Variants in THSD7B observed in about 807,000 individuals in gnomAD.
The protein encoded by THSD7B is thrombospondin type-1 domain-containing protein 7B.
Under a neutral mutation model 213.6 loss-of-function variants are expected in THSD7B, and 138 were observed. The observed-to-expected ratio is 0.65, with a 90% CI of 0.56 to 0.74. THSD7B has a LOEUF of 0.74. Ranked by LOEUF, THSD7B falls within the 30% of genes least tolerant of loss-of-function variation. The pLI is 0.00. For missense variants in THSD7B, 1,931 were observed against 1,991.5 expected (o/e 0.97, Z 0.58); for synonymous variants, 742 against 687.0 (o/e 1.08, Z -1.25).
chr2:137,223,566 T>G (rs542670679), intron 7 of THSD7B, among the ~76,000 whole-genome samples: 1 of 152,198 alleles, frequency 6.6e-6, no homozygotes, highest in African/African-American at 2.4e-5. Flanking sequence ...GAAAGGCTTA[T>G]CAACAAGTTG....
chr2:137,614,468 A>G (rs1682346060), intron 17 of THSD7B, among the ~76,000 whole-genome samples: 1 of 152,144 alleles, frequency 6.6e-6, no homozygotes, highest in South Asian at 2.1e-4. Flanking sequence ...ACATTAATTG[A>G]TTACTTTATA....
Position 137,580,386 on chromosome 2 carries a change from G to A in THSD7B, c.3423+7830G>A, listed in dbSNP as rs1681549246. ...AAATGGGTGTTATATTGGTATTACA[G>A]GAATATCTTGCATCCAACTGTTTTC... On this transcript the variant is annotated intron_variant, in intron 17 of 27. Transcript: ENST00000409968. 3.9e-5 allele frequency among the ~76,000 whole-genome samples: 6 copies of A among 152,090 alleles called. No homozygotes were observed. The South Asian group carries it at 1.0e-3, about 26-fold the overall frequency.
intron 12 of THSD7B, among the ~76,000 whole-genome samples, chr2:137,355,868 G>A (rs932895944): frequency 1.1e-4 from 16 of 152,130 alleles, no homozygotes; most frequent in Admixed American, 4.6e-4. Context: ...CATAGTGAGC[G>A]CTCTGTAAAG....
intron 17 of THSD7B, among the ~76,000 whole-genome samples, chr2:137,575,852 G>A (rs1681450381): frequency 6.6e-6 from 1 of 151,848 alleles, no homozygotes; most frequent in Admixed American, 6.6e-5. Context: ...AAAAGTATGT[G>A]TGTGTATACA....
intron 6 of THSD7B, among the ~76,000 whole-genome samples, chr2:137,165,139 T>C (rs1313302143): frequency 1.3e-5 from 2 of 152,094 alleles, no homozygotes; most frequent in African/African-American, 4.8e-5. Flanking sequence ...TTTAGGGACA[T>C]GTTGAGATTG....
chr2:136,894,361 T>A (rs1683914630), intron 2 of THSD7B, among the ~76,000 whole-genome samples: 1 of 152,192 alleles, frequency 6.6e-6, no homozygotes, highest in South Asian at 2.1e-4. Flanking sequence ...ATAAAGGAGC[T>A]GACACTACAT....
At chr2:137,119,520 G>C (rs1047133567) in intron 5 of THSD7B, among the ~76,000 whole-genome samples, 2 of 152,146 alleles carry the variant, frequency 1.3e-5, no homozygotes, top group African/African-American at 2.4e-5. Flanking sequence ...CCATAAGCAT[G>C]TTCTAAGGTG....
intron 12 of THSD7B, among the ~76,000 whole-genome samples, chr2:137,381,322 A>G (rs1685771437): frequency 6.6e-6 from 1 of 152,320 alleles, no homozygotes. Flanking sequence ...GCAGAGTTGG[A>G]TGGGCATTTT....
At chr2:137,670,634 A>C (rs1222729176) in intron 27 of THSD7B, among the ~76,000 whole-genome samples, 2 of 152,154 alleles carry the variant, frequency 1.3e-5, no homozygotes, top group Non-Finnish European at 2.9e-5. Flanking sequence ...TAAAATGCTC[A>C]TCTTCGGCCA....
At chr2:136,921,415 C>T (rs1284760793) in intron 2 of THSD7B, among the ~76,000 whole-genome samples, 1 of 151,908 alleles carries the variant, frequency 6.6e-6, no homozygotes, top group African/African-American at 2.4e-5. Context: ...AGACACACAC[C>T]ATTGCAACCC....
At position 137,094,937 on chromosome 2, in the gene THSD7B, A is replaced by G. The variant is rs1243605156; in HGVS notation, c.1015A>G (p.Thr339Ala). Residue 339 changes from threonine to alanine, a missense_variant, in exon 4 of 28, where the codon ACC becomes GCC. Thr to Ala is a moderately conservative substitution (Grantham distance 58). Coordinates refer to ENST00000409968, the MANE Select transcript of THSD7B (RefSeq NM_001316349.2). ...CTGCATCATGCCCAAAGACTGTGAA[A>G]CCTCCCAGTGGTCCTCCTGGAGCCC... ...QSCIMPKDCE[T>A]SQWSSWSPCS... The G allele has an allele frequency of 1.2e-6, 2 of 1,612,668 alleles. No individual in the cohort carries two copies. Among genetic ancestry groups the G allele is most frequent in the African/African-American group, 1.3e-5 (1 of 74,476 alleles).
At chr2:136,892,617 C>T (rs906697396) in intron 2 of THSD7B, among the ~76,000 whole-genome samples, 10 of 151,610 alleles carry the variant, frequency 6.6e-5, no homozygotes, top group Admixed American at 2.0e-4. Flanking sequence ...TTGCCTTCCA[C>T]GTTGTCTACT....
At position 137,166,820 on chromosome 2, in the gene THSD7B, T is replaced by A. The variant is rs1015090000; in HGVS notation, c.1526-3921T>A. Among the ~76,000 whole-genome samples, 6 of 152,188 alleles carry A rather than the reference T, an allele frequency of 3.9e-5. No individual in the cohort carries two copies. The East Asian group carries it at 1.2e-3, about 29-fold the overall frequency. On this transcript the variant is annotated intron_variant, in intron 6 of 27. Transcript: ENST00000409968. ...ATTTTGCTTTCTCATAGATAGGAAA[T>A]GCTAAGAGATAGTTGTTTCTTTTTT...
chr2:136,954,090 C>A (rs1249124731), intron 2 of THSD7B, among the ~76,000 whole-genome samples: 1 of 152,162 alleles, frequency 6.6e-6, no homozygotes, highest in African/African-American at 2.4e-5. Context: ...AGAACATGGG[C>A]AGGATCCCTG....
chr2:137,144,685 T>A (rs1358395042), intron 5 of THSD7B, among the ~76,000 whole-genome samples: 2 of 151,986 alleles, frequency 1.3e-5, no homozygotes, highest in African/African-American at 4.8e-5. Flanking sequence ...AAATAGATGA[T>A]CTAGACCTAA....
chr2:137,548,867 A>G (rs1435413204), intron 15 of THSD7B, among the ~76,000 whole-genome samples: 1 of 152,144 alleles, frequency 6.6e-6, no homozygotes, highest in African/African-American at 2.4e-5. Flanking sequence ...TTATACAAAC[A>G]CATCTTTATA....
At chr2:137,466,486 T>G (rs1044827727) in intron 15 of THSD7B, among the ~76,000 whole-genome samples, 16 of 151,340 alleles carry the variant, frequency 1.1e-4, no homozygotes, top group Non-Finnish European at 1.8e-4. Flanking sequence ...TATGAGATGG[T>G]TTTTTTTTAT....
intron 9 of THSD7B, among the ~76,000 whole-genome samples, chr2:137,240,293 G>A (rs758950554): frequency 1.2e-4 from 18 of 152,124 alleles, no homozygotes; most frequent in South Asian, 8.3e-4. Flanking sequence ...AAATTTATTC[G>A]TCTCTGTTTT....
At chr2:137,295,373 G>A (rs1264834011) in intron 12 of THSD7B, among the ~76,000 whole-genome samples, 1 of 152,008 alleles carries the variant, frequency 6.6e-6, no homozygotes. Context: ...TTCTTTATAT[G>A]ATTTCTATGG....
Sources: gnomAD v4.1 joint callset for allele counts (sites outside exome capture counted in the v4.1 genomes callset) on GRCh38, gnomAD v4.1.1 for gene constraint, MANE v1.5 for transcripts, NCBI Gene and HGNC (gene_info 2026-07-23, HGNC 2026-07-21) for gene names.